NCKAP1: variants seen among roughly 807,000 people sequenced by gnomAD.
NCKAP1 encodes nck-associated protein 1.
In NCKAP1, 21 loss-of-function variants were observed where a neutral mutation model predicts 151.2. The observed-to-expected ratio is 0.14, with a 90% confidence interval of 0.10 to 0.20. The LOEUF is 0.20. Ranked by LOEUF, NCKAP1 falls within the 10% of genes least tolerant of loss-of-function variation. The pLI, the probability that NCKAP1 is intolerant of heterozygous loss-of-function variation, is 1.00. For synonymous variants in NCKAP1, 484 were observed against 451.8 expected, an observed-to-expected ratio of 1.07 and a Z score of -0.90; for missense variants, 933 against 1,352.1, an observed-to-expected ratio of 0.69 and a Z score of 4.86.
At chr2:182,957,291 G>A in intron 19 of NCKAP1, 166 bp downstream of exon 19, 1 of 686,868 alleles carries the variant, frequency 1.5e-6, no homozygotes, top group Non-Finnish European at 2.1e-6. Flanking sequence ...ATTTTGAGAT[G>A]AAATAAGCAA....
intron 23 of NCKAP1, among the ~76,000 whole-genome samples, chr2:182,943,776 T>C (rs376957797): frequency 7.2e-5 from 11 of 152,204 alleles, no homozygotes; most frequent in African/African-American, 2.7e-4. Context: ...ATATTTACTA[T>C]AATCCAATTA....
In NCKAP1 at chr2:182,913,878, A is replaced by C. The variant is rs1199534646; in HGVS notation, c.*11824T>G. ...CCCCCACAGCCTGTGGAAATACAGG[A>C]AACTTCACAATGGTGCACAGTCCAT... On this transcript the variant is annotated 3_prime_UTR_variant, in exon 31 of 31. Transcript: ENST00000361354. 6.6e-6 allele frequency: 1 copy of C among 152,258 alleles called. No individual in the cohort carries two copies. Among genetic ancestry groups the C allele is most frequent in the African/African-American group, 2.4e-5 (1 of 41,438 alleles). The allele number at this position is 152,258 out of a possible 1,614,324, so 9.4% of individuals were successfully genotyped here. A position where few individuals can be genotyped will look rare whatever the true frequency, so the allele number is the denominator to read the frequency against.
intron 19 of NCKAP1, chr2:182,957,243 A>G (rs937290577): frequency 9.3e-6 from 4 of 428,600 alleles, no homozygotes; most frequent in African/African-American, 2.1e-5. Flanking sequence ...ACAAATATCA[A>G]CTATTACATA....
chr2:182,948,130 T>C (rs1242843227), intron 23 of NCKAP1, among the ~76,000 whole-genome samples: 11 of 152,046 alleles, frequency 7.2e-5, no homozygotes, highest in Admixed American at 6.6e-4. Context: ...AAATATTTCA[T>C]AGGAAGCCTT....
At chr2:183,024,860 A>T in intron 1 of NCKAP1, 1 of 1,152,262 alleles carries the variant, frequency 8.7e-7, no homozygotes, top group Non-Finnish European at 1.2e-6. Context: ...CTGCAATTTT[A>T]TAGTTTTCCA....
In NCKAP1 at chr2:182,909,224, C is replaced by T. The variant is rs1044920375; in HGVS notation, c.*16478G>A. On this transcript the variant is annotated 3_prime_UTR_variant, in exon 31 of 31. Transcript: ENST00000361354. ...CATTATATCAAATTTACCGTTTCAA[C>T]CATTTTTAAGCATACAGTTCTGTGG... 1.3e-5 allele frequency: 2 copies of T among 152,188 alleles called. No homozygotes were observed. The highest frequency in any genetic ancestry group is 4.8e-5 in the African/African-American group (2 of 41,442). The allele number at this position is 152,188 out of a possible 1,614,324, so 9.4% of individuals were successfully genotyped here.
At chr2:182,935,414 G>C (rs752594220) in intron 24 of NCKAP1, 39 bp from the exon 25 acceptor site, 4 of 1,244,902 alleles carry the variant, frequency 3.2e-6, no homozygotes, top group Non-Finnish European at 1.1e-6. Context: ...GAATAAAAAA[G>C]TGTGAACTGG....
At position 183,002,964 on chromosome 2, in the gene NCKAP1, T is replaced by C; in HGVS notation, c.369+10A>G. 6.3e-7 allele frequency: 1 copy of C among 1,599,724 alleles called. No individual in the cohort carries two copies. Among genetic ancestry groups the C allele is most frequent in the Non-Finnish European group, 8.5e-7 (1 of 1,169,714 alleles). On this transcript the variant is annotated intron_variant, in intron 4 of 30. Coordinates refer to ENST00000361354, the MANE Select transcript of NCKAP1 (RefSeq NM_013436.5). ...GAATAATTGGACATTTTTCTGAAAA[T>C]GATACTTACAATATCAAAGAAGACT...
intron 6 of NCKAP1, among the ~76,000 whole-genome samples, chr2:182,998,229 C>G (rs1698307761): frequency 6.6e-6 from 1 of 152,000 alleles, no homozygotes; most frequent in Admixed American, 6.6e-5. Flanking sequence ...ACGGAATGGG[C>G]AAAAGCTAGA....
intron 17 of NCKAP1, among the ~76,000 whole-genome samples, chr2:182,964,049 A>C (rs1330936402): frequency 6.6e-6 from 1 of 152,138 alleles, no homozygotes; most frequent in Non-Finnish European, 1.5e-5. Flanking sequence ...AATTATAATA[A>C]AGAAATACAT....
chr2:182,928,976 G>T, intron 27 of NCKAP1, 77 bp from the exon 28 acceptor site: 6 of 878,650 alleles, frequency 6.8e-6, no homozygotes, highest in South Asian at 2.0e-5. Flanking sequence ...AAACTAAACA[G>T]ATTTTTATTT....
chr2:182,953,252 C>G lies in NCKAP1; in HGVS notation c.2233G>C (p.Ala745Pro). ...ATTGACTGGAGTACGGTCATGTATG[C>G]TCTTACACTTGTTAGAAGTTCTGAA... ...KPSELLTSVR[A>P]YMTVLQSIEN... Residue 745 changes from alanine to proline, a missense_variant, in exon 21 of 31, where the codon GCA (alanine) becomes CCA (proline). Physicochemically the swap from Ala to Pro is conservative, Grantham distance 27. Coordinates refer to ENST00000361354, the MANE Select transcript of NCKAP1 (RefSeq NM_013436.5). 1 of 1,613,430 alleles carries G rather than the reference C, an allele frequency of 6.2e-7. No homozygotes were observed.
intron 20 of NCKAP1, among the ~76,000 whole-genome samples, chr2:182,953,836 A>G (rs1216272706): frequency 6.6e-6 from 1 of 152,126 alleles, no homozygotes; most frequent in African/African-American, 2.4e-5. Context: ...CTACAACGAA[A>G]TGTGAATAAA....
rs767527658 is a variant in NCKAP1, at chr2:182,927,985, TG to T, written c.3180+131del. Reference sequence around the variant, plus strand: ...AATTCATATACCTGAGAAAATAATTTGAAAACAAAATGCCATTAGAGGACAC... The same window carrying T: ...AATTCATATACCTGAGAAAATAATTTAAAACAAAATGCCATTAGAGGACAC... On this transcript the variant is annotated intron_variant, in intron 29 of 30. Coordinates refer to ENST00000361354, the MANE Select transcript of NCKAP1 (RefSeq NM_013436.5). 65 of 572,184 alleles carry T rather than the reference TG, an allele frequency of 1.1e-4. 1 individual carries two copies. In the East Asian group the frequency reaches 1.6e-3, roughly 14 times the overall value. The allele number at this position is 572,184 out of a possible 1,614,324, so 35.4% of individuals were successfully genotyped here.
chr2:182,997,709 C>A (rs1388081882), intron 6 of NCKAP1, among the ~76,000 whole-genome samples: 1 of 152,088 alleles, frequency 6.6e-6, no homozygotes, highest in African/African-American at 2.4e-5. Context: ...TAATAAAATA[C>A]CTACCAACCA....
intron 24 of NCKAP1, among the ~76,000 whole-genome samples, chr2:182,937,743 C>T (rs1316264968): frequency 6.6e-6 from 1 of 152,128 alleles, no homozygotes; most frequent in Non-Finnish European, 1.5e-5. Context: ...TTTGTAAACT[C>T]TCATCTATAA....
At chr2:182,981,524 C>A in intron 12 of NCKAP1, 148 bp from the exon 13 acceptor site, 5 of 526,774 alleles carry the variant, frequency 9.5e-6, no homozygotes, top group South Asian at 4.0e-5. Flanking sequence ...CTTTTTAAAT[C>A]ATTTCATGAA....
chr2:183,010,993 T>C (rs558100817), intron 2 of NCKAP1, among the ~76,000 whole-genome samples: 64 of 152,360 alleles, frequency 4.2e-4, no homozygotes, highest in Non-Finnish European at 1.0e-4. Context: ...TTGTAATTGA[T>C]AATTATACAG....
chr2:182,945,418 A>C (rs969346488), intron 23 of NCKAP1, among the ~76,000 whole-genome samples: 34 of 152,060 alleles, frequency 2.2e-4, no homozygotes, highest in African/African-American at 7.5e-4. Flanking sequence ...GAAAGAAAAA[A>C]AAACCAGCAA....
Sources: gnomAD v4.1 joint callset for allele counts (sites outside exome capture counted in the v4.1 genomes callset) on GRCh38, gnomAD v4.1.1 for gene constraint, MANE v1.5 for transcripts, NCBI Gene and HGNC (gene_info 2026-07-23, HGNC 2026-07-21) for gene names.